The following ADCY3 variants were observed in gnomAD, a reference collection of about 807,000 sequenced individuals.
ADCY3 encodes the protein adenylate cyclase type 3.
In ADCY3, 70 loss-of-function variants were observed where a neutral mutation model predicts 119.4. The ratio of observed to expected loss-of-function variants is 0.59; its 90% CI spans 0.48 to 0.72. ADCY3 has a LOEUF of 0.72. Ranked by LOEUF, ADCY3 falls within the 30% of genes least tolerant of loss-of-function variation. ADCY3 has a pLI of 0.00. For synonymous variants in ADCY3, 672 were observed against 621.4 expected, an observed-to-expected ratio of 1.08 and a Z score of -1.21; for missense variants, 1,238 against 1,541.6, an observed-to-expected ratio of 0.80 and a Z score of 3.30.
chr2:24,830,672 CAG>C (rs1669365175), intron 13 of ADCY3, 35 bp downstream of exon 13: 2 of 1,542,358 alleles, frequency 1.3e-6, no homozygotes, highest in African/African-American at 1.4e-5. Context: ...CCACTGAGAA[CAG>C]GGGCGTCCCT....
At position 24,822,586 on chromosome 2, in the gene ADCY3, G is replaced by C; in HGVS notation, c.2928C>G (p.Thr976=). Residue 976 remains threonine, a synonymous_variant, in exon 19 of 22, where the codon ACC becomes ACG. Coordinates refer to ENST00000679454, the MANE Select transcript of ADCY3 (RefSeq NM_004036.5). The part of the protein sequence containing the change: ...PKFRVITKIK[T]IGSTYMAASG... ...AAGCCGCCATATACGTGCTGCCAAT[G>C]GTTTTGATCTTGGTGATCACCCGGA... 1 of 1,614,080 alleles carries C rather than the reference G, an allele frequency of 6.2e-7. No individual in the cohort carries two copies. Among genetic ancestry groups the C allele is most frequent in the Non-Finnish European group, 8.5e-7 (1 of 1,180,022 alleles).
At chr2:24,876,818 G>C (rs978929221) in intron 2 of ADCY3, among the ~76,000 whole-genome samples, 2 of 152,222 alleles carry the variant, frequency 1.3e-5, no homozygotes, top group African/African-American at 4.8e-5. Context: ...ATCTGAAATA[G>C]GTCTTTCACG....
intron 2 of ADCY3, among the ~76,000 whole-genome samples, chr2:24,906,300 G>A (rs151300679): frequency 8.0e-6 from 1 of 125,600 alleles, no homozygotes; most frequent in African/African-American, 3.4e-5. Flanking sequence ...GAGTGAGACT[G>A]TTTAAAAAAA....
At chr2:24,822,335 T>C in intron 19 of ADCY3, 176 bp downstream of exon 19, 1 of 906,412 alleles carries the variant, frequency 1.1e-6, no homozygotes, top group Non-Finnish European at 1.6e-6. Flanking sequence ...TCTGTTTCTC[T>C]GCTTGCCGAA....
intron 21 of ADCY3, 132 bp from the exon 22 acceptor site, chr2:24,820,246 T>C: frequency 8.4e-7 from 1 of 1,194,502 alleles, no homozygotes; most frequent in Non-Finnish European, 1.1e-6. Context: ...TCCCCAAACC[T>C]CCCAGGGCCA....
At chr2:24,853,999 C>G (rs1221271967) in intron 3 of ADCY3, among the ~76,000 whole-genome samples, 1 of 152,140 alleles carries the variant, frequency 6.6e-6, no homozygotes, top group Non-Finnish European at 1.5e-5. Flanking sequence ...ATTTCAGGCC[C>G]CTTTGGTGTT....
rs1307307224 is a variant in ADCY3, at chr2:24,872,567, C to T, written c.825+3G>A. 4 of 1,613,884 alleles carry T rather than the reference C, an allele frequency of 2.5e-6. No individual in the cohort carries two copies. Among genetic ancestry groups the T allele is most frequent in the Admixed American group, 1.7e-5 (1 of 60,008 alleles). On this transcript the variant is annotated splice_donor_region_variant and intron_variant, in intron 3 of 21. Coordinates refer to ENST00000679454, the MANE Select transcript of ADCY3 (RefSeq NM_004036.5). The surrounding 1 kb of genome is among the most constrained non-coding windows in gnomAD (Gnocchi z 4.4). ...CAGGCCCGAGGCCTCCCGAGAGCCT[C>T]ACCTGCTGCTGGCTCTGCTCTTCCA...
chr2:24,911,348 C>T (rs1358805877), intron 2 of ADCY3, among the ~76,000 whole-genome samples: 2 of 148,850 alleles, frequency 1.3e-5, no homozygotes, highest in East Asian at 4.0e-4. Context: ...GCCTCCTGTA[C>T]AAGACACACA....
intron 19 of ADCY3, 65 bp downstream of exon 19, chr2:24,822,446 T>TCTGGG: frequency 6.3e-7 from 1 of 1,594,434 alleles, no homozygotes; most frequent in Non-Finnish European, 8.6e-7. Flanking sequence ...CCATGCTAGG[T>TCTGGG]CTGGGCTGCC....
chr2:24,872,495 C>G lies in ADCY3; in HGVS notation c.825+75G>C, dbSNP rs1675141652. Reference sequence around the variant, plus strand: ...CCCCACGGAGCCAGGGGCTGCCGCTCTGGTTCCTCTCCCTCTGACAAGGCC... The same window carrying G: ...CCCCACGGAGCCAGGGGCTGCCGCTGTGGTTCCTCTCCCTCTGACAAGGCC... On this transcript the variant is annotated intron_variant, in intron 3 of 21. Transcript: ENST00000679454. The surrounding 1 kb of genome is among the most constrained non-coding windows in gnomAD (Gnocchi z 4.4). 1.3e-6 allele frequency: 2 copies of G among 1,548,304 alleles called. No individual in the cohort carries two copies. Among genetic ancestry groups the G allele is most frequent in the Non-Finnish European group, 1.7e-6 (2 of 1,145,246 alleles).
chr2:24,828,283 G>C (rs1668912184), intron 13 of ADCY3, 122 bp from the exon 14 acceptor site: 1 of 1,150,944 alleles, frequency 8.7e-7, no homozygotes. Context: ...CAGAAATACC[G>C]GGAAAGATGG....
At chr2:24,860,544 G>A (rs1673506771) in intron 3 of ADCY3, among the ~76,000 whole-genome samples, 1 of 152,180 alleles carries the variant, frequency 6.6e-6, no homozygotes. Flanking sequence ...CCCTGAAGGA[G>A]ACTGGAGCCA....
intron 3 of ADCY3, among the ~76,000 whole-genome samples, chr2:24,853,075 T>TGTG (rs1672576681): frequency 6.9e-6 from 1 of 145,880 alleles, no homozygotes; most frequent in Non-Finnish European, 1.5e-5. Flanking sequence ...TGTAGGGGTG[T>TGTG]TATTTGTACA....
intron 2 of ADCY3, among the ~76,000 whole-genome samples, chr2:24,891,120 T>C (rs10179794): frequency 0.47 from 71,048 of 151,982 alleles, 19,606 homozygotes; most frequent in African/African-American, 0.78. Context: ...GCACCTGCCT[T>C]GGCCTCCCAA....
chr2:24,893,232 G>C (rs904731142), intron 2 of ADCY3, among the ~76,000 whole-genome samples: 3 of 152,098 alleles, frequency 2.0e-5, no homozygotes, highest in African/African-American at 7.2e-5. Flanking sequence ...GAGGACAGAT[G>C]TGGTGGCTCA....
intron 2 of ADCY3, among the ~76,000 whole-genome samples, chr2:24,888,647 G>A (rs1677338519): frequency 6.6e-6 from 1 of 152,186 alleles, no homozygotes; most frequent in South Asian, 2.1e-4. Flanking sequence ...CTTCTCACAT[G>A]GAAAATTGCC....
chr2:24,882,017 T>A (rs1394848030), intron 2 of ADCY3, among the ~76,000 whole-genome samples: 3 of 152,236 alleles, frequency 2.0e-5, no homozygotes, highest in African/African-American at 7.2e-5. Context: ...GATTCCTGAG[T>A]GTTCACAATG....
intron 2 of ADCY3, among the ~76,000 whole-genome samples, chr2:24,879,504 A>C (rs1676134328): frequency 6.6e-6 from 1 of 150,438 alleles, no homozygotes; most frequent in South Asian, 2.1e-4. Context: ...TACCTCACAC[A>C]GGGCTTGGCA....
chr2:24,872,637 T>A lies in ADCY3; in HGVS notation c.758A>T (p.Lys253Met). Residue 253 changes from lysine (K) to methionine (M), a missense_variant, in exon 3 of 22, where the codon AAG (lysine) becomes ATG (methionine). Coordinates refer to ENST00000679454, the MANE Select transcript of ADCY3 (RefSeq NM_004036.5). This position sits in a 1 kb window ranked among gnomAD's most constrained non-coding sequence, Gnocchi z 4.4. Reference protein sequence around the residue: ...SYYMADRKHRKAFLEARQSLE... With the variant: ...SYYMADRKHRMAFLEARQSLE... ...CGACTGGCGGGCCTCCAGGAAGGCC[T>A]TGCGGTGCTTGCGGTCAGCCATGTA... The A allele has an allele frequency of 1.2e-6, 2 of 1,614,208 alleles. No individual in the cohort carries two copies. Among genetic ancestry groups the A allele is most frequent in the South Asian group, 2.2e-5 (2 of 91,080 alleles).
Sources: allele counts gnomAD v4.1 joint callset (sites outside exome capture counted in the v4.1 genomes callset), GRCh38; gene constraint gnomAD v4.1.1; non-coding constraint Gnocchi (gnomAD v3.1); transcripts MANE v1.5; gene names NCBI Gene and HGNC (gene_info 2026-07-23, HGNC 2026-07-21).